CDH10: variants seen among roughly 807,000 people sequenced by gnomAD.
CDH10 encodes cadherin 10.
A neutral mutation model predicts 73.1 loss-of-function variants in CDH10; 30 were observed. The ratio of observed to expected loss-of-function variants is 0.41; its 90% CI spans 0.31 to 0.56. The LOEUF is 0.56. Ranked by LOEUF, CDH10 falls within the 20% of genes least tolerant of loss-of-function variation. CDH10 has a pLI of 0.27. For missense variants in CDH10, 815 were observed against 973.7 expected (o/e 0.84, Z 2.17); for synonymous variants, 345 against 348.2 (o/e 0.99, Z 0.10).
chr5:24,622,258 A>ATGAC (rs3033794), intron 1 of CDH10, among the ~76,000 whole-genome samples: 12 of 152,152 alleles, frequency 7.9e-5, no homozygotes, highest in Non-Finnish European at 1.0e-4. Flanking sequence ...TGATGTGCGA[A>ATGAC]TGTTGACAAA....
At chr5:24,502,289 A>C (rs917529481) in intron 8 of CDH10, among the ~76,000 whole-genome samples, 2 of 152,198 alleles carry the variant, frequency 1.3e-5, no homozygotes, top group African/African-American at 4.8e-5. Flanking sequence ...TGATGCACTA[A>C]ATAATTACCT....
intron 5 of CDH10, among the ~76,000 whole-genome samples, chr5:24,519,826 C>T (rs1428588032): frequency 6.6e-6 from 1 of 152,108 alleles, no homozygotes; most frequent in Non-Finnish European, 1.5e-5. Context: ...AACTAGGTGG[C>T]CAATAACTAT....
At chr5:24,543,771 C>CAA (rs2111920993) in intron 2 of CDH10, among the ~76,000 whole-genome samples, 1 of 152,182 alleles carries the variant, frequency 6.6e-6, no homozygotes, top group African/African-American at 2.4e-5. Context: ...TCAAAGCCAG[C>CAA]AAACACAATC....
intron 5 of CDH10, among the ~76,000 whole-genome samples, chr5:24,519,022 C>G (rs1743213986): frequency 6.6e-6 from 1 of 151,000 alleles, no homozygotes; most frequent in African/African-American, 2.4e-5. Flanking sequence ...TCCTGAGTAG[C>G]TGGGATTACA....
At chr5:24,598,501 A>G (rs1746447935) in intron 1 of CDH10, among the ~76,000 whole-genome samples, 1 of 151,980 alleles carries the variant, frequency 6.6e-6, no homozygotes, top group Admixed American at 6.6e-5. Flanking sequence ...TTATTTGTAA[A>G]ACATTTCAAT....
chr5:24,589,411 AGTACT>A lies in CDH10; in HGVS notation c.231+3844_231+3848del, dbSNP rs1396473810. On this transcript the variant is annotated intron_variant, in intron 2 of 11. Transcript: ENST00000264463. ...TAAGAAGCCATGAAGAAATAAAATT[AGTACT>A]GTTAGGAAAAGGCAAGAGAGATTTT... Among the ~76,000 whole-genome samples the A allele has an allele frequency of 2.6e-5, 4 of 152,246 alleles. No homozygotes were observed. In the South Asian group the frequency reaches 8.3e-4, roughly 32 times the overall value.
intron 2 of CDH10, among the ~76,000 whole-genome samples, chr5:24,565,261 T>G (rs1465975543): frequency 9.9e-5 from 15 of 152,084 alleles, no homozygotes; most frequent in Admixed American, 9.8e-4. Flanking sequence ...TCCTAAGAAA[T>G]CTATATTTTA....
At chr5:24,518,420 T>C (rs1229239941) in intron 5 of CDH10, among the ~76,000 whole-genome samples, 1 of 151,960 alleles carries the variant, frequency 6.6e-6, no homozygotes, top group East Asian at 1.9e-4. Context: ...TATTCACATA[T>C]GTATATATGC....
chr5:24,635,268 C>T (rs1022673804), intron 1 of CDH10, among the ~76,000 whole-genome samples: 3 of 151,868 alleles, frequency 2.0e-5, no homozygotes, highest in African/African-American at 4.8e-5. Context: ...AATGCACTGC[C>T]TCTGTTCACC....
intron 5 of CDH10, among the ~76,000 whole-genome samples, chr5:24,523,209 C>A (rs984061376): frequency 5.3e-5 from 8 of 151,904 alleles, no homozygotes; most frequent in African/African-American, 1.9e-4. Context: ...ATAAACATAT[C>A]TCAACAAATA....
intron 1 of CDH10, among the ~76,000 whole-genome samples, chr5:24,611,263 A>C (rs761039161): frequency 2.0e-5 from 3 of 152,130 alleles, no homozygotes; most frequent in Non-Finnish European, 4.4e-5. Context: ...GATTAACATA[A>C]TATAGCTTGT....
intron 1 of CDH10, among the ~76,000 whole-genome samples, chr5:24,614,840 T>C (rs756810221): frequency 1.2e-4 from 19 of 152,212 alleles, no homozygotes; most frequent in South Asian, 4.1e-4. Context: ...CTAATTATTC[T>C]GTGAAAATCC....
intron 9 of CDH10, among the ~76,000 whole-genome samples, chr5:24,495,423 G>C (rs531326154): frequency 3.9e-5 from 6 of 152,266 alleles, no homozygotes; most frequent in African/African-American, 1.4e-4. Context: ...TATTATTACA[G>C]TGTCTGGAAC....
At position 24,634,894 on chromosome 5, in the gene CDH10, C is replaced by A. The variant is rs1747817973; in HGVS notation, c.-124+9700G>T. 3.3e-5 allele frequency among the ~76,000 whole-genome samples: 5 copies of A among 151,156 alleles called. No individual in the cohort carries two copies. In the Admixed American group the frequency reaches 3.3e-4, roughly 10 times the overall value. On this transcript the variant is annotated intron_variant, in intron 1 of 11. Coordinates refer to ENST00000264463, the MANE Select transcript of CDH10 (RefSeq NM_006727.5). Reference sequence around the variant, plus strand: ...AGCTTTTAAAAACGTATTTATGAACCCATATAAATGTATATTTTATGACCT... The same window carrying A: ...AGCTTTTAAAAACGTATTTATGAACACATATAAATGTATATTTTATGACCT...
chr5:24,496,458 G>A (rs1257807208), intron 9 of CDH10, among the ~76,000 whole-genome samples: 1 of 152,060 alleles, frequency 6.6e-6, no homozygotes, highest in Non-Finnish European at 1.5e-5. Context: ...AGGCACACGA[G>A]GGGACTACTA....
chr5:24,506,936 A>G (rs1478586522), intron 7 of CDH10, among the ~76,000 whole-genome samples: 1 of 152,190 alleles, frequency 6.6e-6, no homozygotes, highest in Non-Finnish European at 1.5e-5. Flanking sequence ...AATTTTGAAC[A>G]TTATGTGGCA....
At chr5:24,597,748 T>C (rs1344130240) in intron 1 of CDH10, among the ~76,000 whole-genome samples, 1 of 152,008 alleles carries the variant, frequency 6.6e-6, no homozygotes, top group Non-Finnish European at 1.5e-5. Flanking sequence ...AATTTTATTA[T>C]ATAGGCAGCC....
In CDH10 at chr5:24,492,806, C is replaced by A. The variant is rs1438216356; in HGVS notation, c.1624+11G>T. ...CATCATAAGTCATAGTGAACAAGTT[C>A]TAAAATTTACCTTCATTATCCTGTA... On this transcript the variant is annotated intron_variant, in intron 10 of 11. Coordinates refer to ENST00000264463, the MANE Select transcript of CDH10 (RefSeq NM_006727.5). The A allele has an allele frequency of 8.6e-7, 1 of 1,160,254 alleles. No homozygotes were observed. Among genetic ancestry groups the A allele is most frequent in the South Asian group, 1.2e-5 (1 of 81,232 alleles). The allele number at this position is 1,160,254 out of a possible 1,614,324, so 71.9% of individuals were successfully genotyped here.
intron 9 of CDH10, among the ~76,000 whole-genome samples, chr5:24,495,866 A>G (rs926672433): frequency 1.4e-5 from 2 of 147,822 alleles, no homozygotes; most frequent in Admixed American, 6.8e-5. Context: ...CAAAAAAAAA[A>G]AAAGAAAGAA....
Sources: allele counts gnomAD v4.1 joint callset (sites outside exome capture counted in the v4.1 genomes callset), GRCh38; gene constraint gnomAD v4.1.1; transcripts MANE v1.5; gene names NCBI Gene and HGNC (gene_info 2026-07-23, HGNC 2026-07-21).